The following CFAP61 variants were observed in gnomAD, a reference collection of about 807,000 sequenced individuals.
CFAP61 encodes the protein cilia- and flagella-associated protein 61.
Under a neutral mutation model 135.6 loss-of-function variants are expected in CFAP61, and 107 were observed. The observed-to-expected ratio is 0.79, with a 90% confidence interval of 0.67 to 0.93. CFAP61 has a LOEUF of 0.93. Ranked by LOEUF, CFAP61 falls within the 40% of genes least tolerant of loss-of-function variation. The pLI is 0.00. For missense variants in CFAP61, 1,507 were observed against 1,556.2 expected (o/e 0.97, Z 0.53); for synonymous variants, 575 against 578.5 (o/e 0.99, Z 0.09).
chr20:20,254,834 T>C (rs1251383860), intron 20 of CFAP61, among the ~76,000 whole-genome samples: 1 of 152,250 alleles, frequency 6.6e-6, no homozygotes, highest in South Asian at 2.1e-4. Flanking sequence ...TCTAAATTGT[T>C]GTGTAATGTT....
intron 24 of CFAP61, among the ~76,000 whole-genome samples, chr20:20,294,934 CAAA>C (rs1317298790): frequency 2.2e-4 from 22 of 98,362 alleles, no homozygotes; most frequent in African/African-American, 1.0e-3. Flanking sequence ...GACTCCGTCT[CAAA>C]AATAATAATA....
chr20:20,292,077 A>G (rs2055034799), intron 24 of CFAP61, among the ~76,000 whole-genome samples: 1 of 152,250 alleles, frequency 6.6e-6, no homozygotes, highest in South Asian at 2.1e-4. Context: ...GGCCTACTCA[A>G]ATGGCACAGG....
chr20:20,253,664 G>A, intron 20 of CFAP61: 1 of 441,950 alleles, frequency 2.3e-6, no homozygotes, highest in Non-Finnish European at 4.4e-6. Context: ...CTCCACCTTT[G>A]TAACGTCAGA....
rs548825989 is a variant in CFAP61 at position 20,103,357 on chromosome 20, GT to G, written c.859+4548del. ...ACCTATTACATACTTGTAAACTTTG[GT>G]TTTTATGTACTAAACATTGGGAGTA... is the stretch of plus-strand genomic sequence containing the variant. On this transcript the variant is annotated intron_variant, in intron 8 of 26. Transcript: ENST00000245957. 2.0e-3 allele frequency among the ~76,000 whole-genome samples: 298 copies of G among 152,182 alleles called. 1 individual carries two copies. Among genetic ancestry groups the G allele is most frequent in the African/African-American group, 6.7e-3 (277 of 41,514 alleles).
chr20:20,212,958 A>G (rs911768557), intron 17 of CFAP61, among the ~76,000 whole-genome samples: 3 of 152,000 alleles, frequency 2.0e-5, no homozygotes, highest in African/African-American at 7.2e-5. Flanking sequence ...ACCAGGAGGC[A>G]CCGTGTCCGG....
intron 19 of CFAP61, 77 bp downstream of exon 19, chr20:20,246,292 T>C: frequency 1.1e-6 from 1 of 925,460 alleles, no homozygotes; most frequent in South Asian, 1.4e-5. Context: ...TGCTAAATAG[T>C]AGATTTCAGA....
chr20:20,090,814 A>G, intron 6 of CFAP61, 30 bp from the exon 7 acceptor site: 2 of 1,612,236 alleles, frequency 1.2e-6, no homozygotes, highest in Non-Finnish European at 1.7e-6. Context: ...GAGTGAACGA[A>G]CACTGAACTT....
chr20:20,274,314 A>G (rs2053578328), intron 21 of CFAP61, among the ~76,000 whole-genome samples: 1 of 152,222 alleles, frequency 6.6e-6, no homozygotes, highest in East Asian at 1.9e-4. Flanking sequence ...AGAACTCACA[A>G]CTGCACAAAG....
In CFAP61 at chr20:20,288,878, C is replaced by G. The variant is rs373688512; in HGVS notation, c.3066C>G (p.Thr1022=). The G allele has an allele frequency of 3.7e-6, 6 of 1,613,578 alleles. No individual in the cohort carries two copies. The South Asian group carries it at 4.4e-5, about 12-fold the overall frequency. The change falls in exon 23 of 27, where the codon ACC becomes ACG. Residue 1022 remains threonine (T), a synonymous_variant. Coordinates refer to ENST00000245957, the MANE Select transcript of CFAP61 (RefSeq NM_015585.4). The part of the protein sequence containing the change: ...HLFDPTLEPV[T]EPPANLDRLI... ...TTGATCCAACCCTTGAGCCTGTGAC[C>G]GAGCCACCAGCTAATCTTGACCGGC... is the stretch of plus-strand genomic sequence containing the variant.
chr20:20,232,478 G>A (rs139951963), intron 18 of CFAP61, among the ~76,000 whole-genome samples: 1,632 of 152,096 alleles, frequency 0.011, 33 homozygotes, highest in African/African-American at 0.037. Context: ...GGTGTGGCGC[G>A]TGGACCAGCA....
At chr20:20,247,635 G>T (rs914742325) in intron 19 of CFAP61, among the ~76,000 whole-genome samples, 1 of 152,218 alleles carries the variant, frequency 6.6e-6, no homozygotes, top group African/African-American at 2.4e-5. Context: ...GGATAGAACA[G>T]ATAAGAACAT....
intron 25 of CFAP61, among the ~76,000 whole-genome samples, chr20:20,329,844 G>A (rs936481250): frequency 2.0e-4 from 31 of 152,188 alleles, no homozygotes; most frequent in African/African-American, 6.5e-4. Context: ...GATCCTCCCC[G>A]TGCCTCTGTA....
chr20:20,271,336 C>G (rs2147031015), intron 21 of CFAP61, among the ~76,000 whole-genome samples: 1 of 152,296 alleles, frequency 6.6e-6, no homozygotes, highest in African/African-American at 2.4e-5. Flanking sequence ...CTCTACATTT[C>G]TACCAACATT....
At chr20:20,296,105 CCCTCCCTCCTTCCCTTCCTT>C (rs1569259339) in intron 24 of CFAP61, among the ~76,000 whole-genome samples, 2 of 20,262 alleles carry the variant, frequency 9.9e-5, no homozygotes, top group East Asian at 1.1e-3. Flanking sequence ...TTCCTTCCTT[CCCTCCCTCCTTCCCTTCCTT>C]CCTTCCTTCC....
chr20:20,093,544 C>T (rs1277862096), intron 7 of CFAP61, among the ~76,000 whole-genome samples: 6 of 151,234 alleles, frequency 4.0e-5, no homozygotes, highest in Admixed American at 3.3e-4. Context: ...AAGTGATTCT[C>T]CTGCCTCAGC....
At chr20:20,265,755 C>T (rs986201172) in intron 21 of CFAP61, 1 of 439,588 alleles carries the variant, frequency 2.3e-6, no homozygotes, top group South Asian at 3.6e-5. Flanking sequence ...GTTCATTTAA[C>T]TCTGTGTAGA....
chr20:20,084,507 A>G (rs1313665100), intron 6 of CFAP61, among the ~76,000 whole-genome samples: 1 of 152,090 alleles, frequency 6.6e-6, no homozygotes, highest in Admixed American at 6.5e-5. Flanking sequence ...CTGGCAGGGA[A>G]GTGATGCACA....
intron 8 of CFAP61, among the ~76,000 whole-genome samples, chr20:20,138,519 T>C (rs1015356643): frequency 6.6e-6 from 1 of 150,886 alleles, no homozygotes; most frequent in Non-Finnish European, 1.5e-5. Context: ...CCACAGTCAC[T>C]GCACTTTCTC....
intron 21 of CFAP61, among the ~76,000 whole-genome samples, chr20:20,269,648 A>T (rs896126712): frequency 6.6e-6 from 1 of 152,248 alleles, no homozygotes; most frequent in Non-Finnish European, 1.5e-5. Context: ...CTGGGATTAC[A>T]GGCATGAGCC....
Sources: allele counts gnomAD v4.1 joint callset (sites outside exome capture counted in the v4.1 genomes callset), GRCh38; gene constraint gnomAD v4.1.1; transcripts MANE v1.5; gene names NCBI Gene and HGNC (gene_info 2026-07-23, HGNC 2026-07-21).